The following PTP4A3 variants were observed in gnomAD, a reference collection of about 807,000 sequenced individuals.
PTP4A3 encodes protein tyrosine phosphatase type IVA 3.
A neutral mutation model predicts 15.2 loss-of-function variants in PTP4A3; 9 were observed. The observed-to-expected ratio is 0.59, with a 90% CI of 0.36 to 1.03. PTP4A3 has a LOEUF of 1.03. PTP4A3 is among the 50% of genes least tolerant of loss of function. The pLI, the probability that PTP4A3 is intolerant of heterozygous loss-of-function variation, is 0.02. For missense variants in PTP4A3, 234 were observed against 252.1 expected, an observed-to-expected ratio of 0.93 and a Z score of 0.49; for synonymous variants, 95 against 102.0, an observed-to-expected ratio of 0.93 and a Z score of 0.41.
intron 1 of PTP4A3, among the ~76,000 whole-genome samples, chr8:141,407,888 ACAT>A: frequency 6.6e-6 from 1 of 152,190 alleles, no homozygotes; most frequent in East Asian, 1.9e-4. Context: ...CTTTCTTAAA[ACAT>A]CATGAGGTTT....
chr8:141,431,089 TG>T lies in PTP4A3; in HGVS notation c.*47del, dbSNP rs776806428. ...CTGGTCGTCATGTAGGTCAGGACCT[TG>T]GCTGGACCTGGAGGCCCTGCCCAGC... is the stretch of plus-strand genomic sequence containing the variant. On this transcript the variant is annotated 3_prime_UTR_variant, in exon 6 of 6. Transcript: ENST00000521578. 1.3e-5 allele frequency: 21 copies of T among 1,578,502 alleles called. No individual in the cohort carries two copies. The East Asian group carries it at 4.5e-4, about 34-fold the overall frequency.
chr8:141,401,935 A>G (rs1344663068), intron 1 of PTP4A3, among the ~76,000 whole-genome samples: 1 of 151,524 alleles, frequency 6.6e-6, no homozygotes, highest in Admixed American at 6.5e-5. Context: ...CAAGGCATGG[A>G]CGAGGCCACT....
At chr8:141,416,844 G>A (rs1376573282) in intron 1 of PTP4A3, among the ~76,000 whole-genome samples, 1 of 152,032 alleles carries the variant, frequency 6.6e-6, no homozygotes, top group African/African-American at 2.4e-5. Flanking sequence ...TGGGTGGGGA[G>A]AGCCTGGCAG....
At chr8:141,408,197 G>A (rs1193957641) in intron 1 of PTP4A3, among the ~76,000 whole-genome samples, 3 of 152,214 alleles carry the variant, frequency 2.0e-5, no homozygotes, top group Non-Finnish European at 2.9e-5. Flanking sequence ...ACTTGTGGTT[G>A]CCAGGGGCTG....
At chr8:141,416,820 G>A (rs1833071137) in intron 1 of PTP4A3, among the ~76,000 whole-genome samples, 1 of 151,762 alleles carries the variant, frequency 6.6e-6, no homozygotes, top group African/African-American at 2.4e-5. Flanking sequence ...TGATGGTGAT[G>A]TTTTCTGGAA....
At chr8:141,420,527 G>GC (rs1182596148) in intron 1 of PTP4A3, among the ~76,000 whole-genome samples, 35 of 152,102 alleles carry the variant, frequency 2.3e-4, no homozygotes, top group Non-Finnish European at 3.2e-4. Context: ...GGTTGCTGTG[G>GC]CCCCCCCTGC....
chr8:141,425,659 C>T lies in PTP4A3; in HGVS notation c.198+519C>T, dbSNP rs1285992287. Among the ~76,000 whole-genome samples the T allele has an allele frequency of 6.6e-6, 1 of 152,108 alleles. No individual in the cohort carries two copies. Among genetic ancestry groups the T allele is most frequent in the Non-Finnish European group, 1.5e-5 (1 of 67,972 alleles). The stretch of plus-strand genomic sequence containing the variant: ...GCCACAGCAGCTGCAGGCCCAGAGC[C>T]AGCCCCAGGGGGGTCCACCCCCGGC... On this transcript the variant is annotated intron_variant, in intron 3 of 5. Coordinates refer to ENST00000521578, the MANE Select transcript of PTP4A3 (RefSeq NM_032611.3). This position sits in a 1 kb window ranked among gnomAD's most constrained non-coding sequence, Gnocchi z 4.2.
At chr8:141,405,650 A>G (rs1832702327) in intron 1 of PTP4A3, among the ~76,000 whole-genome samples, 1 of 152,206 alleles carries the variant, frequency 6.6e-6, no homozygotes, top group Admixed American at 6.5e-5. Context: ...ATTGAGAACC[A>G]GGGAGCCGAG....
chr8:141,426,468 C>T (rs945563667), intron 3 of PTP4A3: 2 of 985,336 alleles, frequency 2.0e-6, no homozygotes, highest in Non-Finnish European at 1.2e-6. Context: ...TGTCTTCAGT[C>T]CTTCCTGGCA....
chr8:141,420,573 C>G (rs1377213222), intron 1 of PTP4A3, among the ~76,000 whole-genome samples: 1 of 152,202 alleles, frequency 6.6e-6, no homozygotes, highest in Non-Finnish European at 1.5e-5. Context: ...ATGGTGTGAA[C>G]CCACTCCTGG....
rs147441142 is a variant in PTP4A3, at chr8:141,425,112, C to T, written c.170C>T (p.Pro57Leu). ...RVCEVTYDKT[P>L]LEKDGITVVD... ...TGTGAAGTGACCTATGACAAAACGC[C>T]GCTGGAGAAGGATGGCATCACCGTT... The change falls in exon 3 of 6, where the codon CCG (proline) becomes CTG (leucine). Residue 57 changes from proline to leucine, a missense_variant. Physicochemically the swap from Pro to Leu is moderately conservative, Grantham distance 98. Coordinates refer to ENST00000521578, the MANE Select transcript of PTP4A3 (RefSeq NM_032611.3). The surrounding 1 kb of genome is among the most constrained non-coding windows in gnomAD (Gnocchi z 4.2). 18 of 1,548,208 alleles carry T rather than the reference C, an allele frequency of 1.2e-5. No individual in the cohort carries two copies. Among genetic ancestry groups the T allele is most frequent in the Middle Eastern group, 1.7e-4 (1 of 5,742 alleles).
chr8:141,411,157 T>C (rs1234737124), intron 1 of PTP4A3, among the ~76,000 whole-genome samples: 3 of 152,144 alleles, frequency 2.0e-5, no homozygotes, highest in African/African-American at 7.2e-5. Flanking sequence ...CTGAAGACAG[T>C]GGCCGAGCCC....
chr8:141,401,585 C>G (rs1382992289), intron 1 of PTP4A3, among the ~76,000 whole-genome samples: 1 of 152,088 alleles, frequency 6.6e-6, no homozygotes, highest in Non-Finnish European at 1.5e-5. Flanking sequence ...CCGGGCTGTT[C>G]CCACGGCTGC....
intron 2 of PTP4A3, among the ~76,000 whole-genome samples, chr8:141,422,655 A>C (rs1833390746): frequency 6.6e-6 from 1 of 152,120 alleles, no homozygotes; most frequent in South Asian, 2.1e-4. Flanking sequence ...GGATACATGG[A>C]CCAGGCTGTG....
At chr8:141,430,474 TGGGGACAGGG>T (rs1271723184) in intron 5 of PTP4A3, among the ~76,000 whole-genome samples, 2 of 151,364 alleles carry the variant, frequency 1.3e-5, no homozygotes, top group African/African-American at 4.9e-5. Flanking sequence ...GTGGGGATGG[TGGGGACAGGG>T]TGAGCATGCA....
chr8:141,429,525 T>C (rs921941435), intron 5 of PTP4A3, among the ~76,000 whole-genome samples: 4 of 150,842 alleles, frequency 2.7e-5, no homozygotes, highest in Non-Finnish European at 5.9e-5. Flanking sequence ...GTCCCTGCTG[T>C]AAGGACCAGG....
chr8:141,427,715 G>A (rs7465455), intron 4 of PTP4A3, 35 bp from the exon 5 acceptor site: 260,519 of 1,534,996 alleles, frequency 0.17, 23,456 homozygotes, highest in African/African-American at 0.24. Context: ...GGGTGCGCAG[G>A]CTCCGATGAC....
chr8:141,415,680 G>A (rs1389190070), intron 1 of PTP4A3, among the ~76,000 whole-genome samples: 1 of 384 alleles, frequency 2.6e-3, no homozygotes, highest in Non-Finnish European at 0.01. Flanking sequence ...AGGGTAGGGG[G>A]CGTGGCGGGG....
chr8:141,408,595 G>T (rs1008492400), intron 1 of PTP4A3, among the ~76,000 whole-genome samples: 5 of 150,808 alleles, frequency 3.3e-5, no homozygotes, highest in Non-Finnish European at 5.9e-5. Flanking sequence ...TCCAGCCTGG[G>T]TAACAGAGCG....
Sources: gnomAD v4.1 joint callset for allele counts (sites outside exome capture counted in the v4.1 genomes callset) on GRCh38, gnomAD v4.1.1 for gene constraint, Gnocchi (gnomAD v3.1) non-coding constraint, MANE v1.5 for transcripts, NCBI Gene and HGNC (gene_info 2026-07-23, HGNC 2026-07-21) for gene names.